The following WASHC4 variants were observed in gnomAD, a reference collection of about 807,000 sequenced individuals.
WASHC4 encodes the protein WASH complex subunit 7.
Under a neutral mutation model 166.6 loss-of-function variants are expected in WASHC4, and 86 were observed. The observed-to-expected ratio is 0.52, with a 90% confidence interval of 0.43 to 0.62. The LOEUF (loss-of-function observed/expected upper bound fraction) is 0.62. WASHC4 is among the 20% of genes least tolerant of loss of function. WASHC4 has a pLI of 0.00. For synonymous variants in WASHC4, 446 were observed against 451.6 expected (o/e 0.99, Z 0.16); for missense variants, 1,262 against 1,382.4 (o/e 0.91, Z 1.38).
intron 10 of WASHC4, 134 bp from the exon 11 acceptor site, chr12:105,125,870 T>G: frequency 6.0e-5 from 49 of 815,548 alleles, no homozygotes; most frequent in Non-Finnish European, 8.7e-5. Flanking sequence ...ATTAAGAACC[T>G]GAGCTTTAGT....
At chr12:105,125,641 A>G (rs1881213330) in intron 10 of WASHC4, among the ~76,000 whole-genome samples, 1 of 152,152 alleles carries the variant, frequency 6.6e-6, no homozygotes, top group Non-Finnish European at 1.5e-5. Context: ...ATAAAGTGCT[A>G]GGAAAGTAAT....
chr12:105,108,460 T>C (rs1879302263), intron 1 of WASHC4, among the ~76,000 whole-genome samples: 1 of 152,226 alleles, frequency 6.6e-6, no homozygotes, highest in Non-Finnish European at 1.5e-5. Context: ...CTAAGTGATA[T>C]TTTTCAGTGA....
rs532936716 is a variant in WASHC4, at chr12:105,135,381, G to C, written c.1326+1485G>C. Among the ~76,000 whole-genome samples, 9 of 150,960 alleles carry C rather than the reference G, an allele frequency of 6.0e-5. 2 individuals are homozygous for C. The South Asian group carries it at 1.5e-3, about 24-fold the overall frequency. On this transcript the variant is annotated intron_variant, in intron 14 of 32. Coordinates refer to ENST00000332180, the MANE Select transcript of WASHC4 (RefSeq NM_015275.3). ...TCATTTCAATCATTTTGCTGTGTTA[G>C]AATTCTAGGTTGGTGGGGTTTTTTT...
chr12:105,144,508 T>TA (rs1883136187), intron 21 of WASHC4, 53 bp downstream of exon 21: 5 of 1,268,162 alleles, frequency 3.9e-6, no homozygotes, highest in African/African-American at 1.5e-5. Flanking sequence ...TTTTTTTTTT[T>TA]ACCCTACTGT....
rs1293184356 is a variant in WASHC4, at chr12:105,162,804, A to G, written c.3116A>G (p.Asn1039Ser). The change falls in exon 30 of 33, where the codon AAT becomes AGT. Residue 1039 changes from asparagine (N) to serine (S), a missense_variant. Coordinates refer to ENST00000332180, the MANE Select transcript of WASHC4 (RefSeq NM_015275.3). ...TGCAAGGAAAAATTAAATAAAAAAA[A>G]TAAAATTGGAGCTGCCTTTACTGAT... ...ISCKEKLNKK[N>S]KIGAAFTDDG... 2.5e-6 allele frequency: 4 copies of G among 1,604,592 alleles called. No individual in the cohort carries two copies. The highest frequency in any genetic ancestry group is 2.7e-5 in the African/African-American group (2 of 74,740).
At chr12:105,165,946 T>A (rs1884784493) in intron 32 of WASHC4, among the ~76,000 whole-genome samples, 1 of 152,212 alleles carries the variant, frequency 6.6e-6, no homozygotes, top group Non-Finnish European at 1.5e-5. Context: ...ATCAATATAA[T>A]CTAAATTATG....
At chr12:105,156,922 A>C in intron 27 of WASHC4, 130 bp downstream of exon 27, 1 of 761,572 alleles carries the variant, frequency 1.3e-6, no homozygotes, top group South Asian at 1.5e-5. Flanking sequence ...AATATGGAAG[A>C]AAACTATTAA....
chr12:105,122,087 AT>A, intron 9 of WASHC4, 30 bp from the exon 10 acceptor site: 1 of 1,515,192 alleles, frequency 6.6e-7, no homozygotes, highest in Non-Finnish European at 9.1e-7. Context: ...TATTAGGTAG[AT>A]TTAAGATGTT....
rs368191809 is a variant in WASHC4, at chr12:105,164,769, C to T, written c.3454+29C>T. The T allele has an allele frequency of 2.6e-4, 379 of 1,459,308 alleles. 1 individual carries two copies. The highest frequency in any genetic ancestry group is 2.9e-4 in the Non-Finnish European group (299 of 1,042,676). The allele number at this position is 1,459,308 out of a possible 1,614,324, so 90.4% of individuals were successfully genotyped here. ...AGTGAGTGGTTTAAATTTGGAAAGA[C>T]CAATAAATGTCTTTAGTAATAGACA... On this transcript the variant is annotated intron_variant, in intron 32 of 32. Coordinates refer to ENST00000332180, the MANE Select transcript of WASHC4 (RefSeq NM_015275.3).
chr12:105,139,886 G>GT (rs1175367513), intron 15 of WASHC4, among the ~76,000 whole-genome samples: 496 of 142,434 alleles, frequency 3.5e-3, no homozygotes, highest in Non-Finnish European at 3.7e-3. Flanking sequence ...TACTTTGTAA[G>GT]TTTTTTTTTT....
At chr12:105,159,974 G>T in intron 28 of WASHC4, 27 bp from the exon 29 acceptor site, 1 of 1,610,504 alleles carries the variant, frequency 6.2e-7, no homozygotes. Flanking sequence ...TTTTGAGAAA[G>T]GAACCAAATA....
chr12:105,162,472 A>G (rs1884558489), intron 29 of WASHC4, among the ~76,000 whole-genome samples: 1 of 152,212 alleles, frequency 6.6e-6, no homozygotes, highest in African/African-American at 2.4e-5. Flanking sequence ...TTATAATGAG[A>G]TATACAAGGC....
intron 32 of WASHC4, among the ~76,000 whole-genome samples, chr12:105,165,421 T>C (rs1470880699): frequency 6.6e-6 from 1 of 152,234 alleles, no homozygotes; most frequent in Non-Finnish European, 1.5e-5. Context: ...TCATCTTCTC[T>C]GAGAAACAGA....
intron 22 of WASHC4, 124 bp downstream of exon 22, chr12:105,144,996 T>A: frequency 1.0e-6 from 1 of 955,938 alleles, no homozygotes; most frequent in Non-Finnish European, 1.6e-6. Context: ...TTATTTGCCA[T>A]ATAAAATCTT....
intron 12 of WASHC4, 40 bp from the exon 13 acceptor site, chr12:105,127,089 G>A: frequency 1.3e-6 from 2 of 1,558,394 alleles, no homozygotes; most frequent in South Asian, 1.1e-5. Flanking sequence ...TGTTTAGCCT[G>A]CATTTAATGA....
At chr12:105,117,172 A>G (rs1361304125) in intron 6 of WASHC4, among the ~76,000 whole-genome samples, 1 of 152,198 alleles carries the variant, frequency 6.6e-6, no homozygotes, top group Non-Finnish European at 1.5e-5. Flanking sequence ...TGTATTTTAC[A>G]TGCATAGCAA....
chr12:105,144,336 C>T lies in WASHC4; in HGVS notation c.2060C>T (p.Ser687Phe). 1 of 1,613,230 alleles carries T rather than the reference C, an allele frequency of 6.2e-7. No individual in the cohort carries two copies. The highest frequency in any genetic ancestry group is 1.1e-5 in the South Asian group (1 of 91,006). The change falls in exon 21 of 33, where the codon TCT becomes TTT. Residue 687 changes from serine to phenylalanine, a missense_variant. By Grantham distance (155) the Ser-to-Phe change is radical (BLOSUM62 -2). Coordinates refer to ENST00000332180, the MANE Select transcript of WASHC4 (RefSeq NM_015275.3). Reference sequence around the variant, plus strand: ...GAAATAGAGAAAGATCTGCGACTTTCTGTGCATACTCATTTAAAGCTGGAT... The same window carrying T: ...GAAATAGAGAAAGATCTGCGACTTTTTGTGCATACTCATTTAAAGCTGGAT... ...CKEIEKDLRLSVHTHLKLDDR... is the reference protein window; with the variant it reads ...CKEIEKDLRLFVHTHLKLDDR...
At chr12:105,135,450 T>G (rs1592878652) in intron 14 of WASHC4, among the ~76,000 whole-genome samples, 2 of 151,798 alleles carry the variant, frequency 1.3e-5, no homozygotes, top group South Asian at 2.1e-4. Context: ...GTCTTCTGGC[T>G]TCCTTTGTTT....
At chr12:105,158,737 G>A (rs1280381104) in intron 28 of WASHC4, among the ~76,000 whole-genome samples, 1 of 152,118 alleles carries the variant, frequency 6.6e-6, no homozygotes, top group Admixed American at 6.5e-5. Flanking sequence ...ACAGTGTTTT[G>A]TGGCTTTGTA....
Sources: gnomAD v4.1 joint callset for allele counts (sites outside exome capture counted in the v4.1 genomes callset) on GRCh38, gnomAD v4.1.1 for gene constraint, MANE v1.5 for transcripts, NCBI Gene and HGNC (gene_info 2026-07-23, HGNC 2026-07-21) for gene names.